The following RYR3 variants were observed in gnomAD, a reference collection of about 807,000 sequenced individuals.
RYR3 encodes ryanodine receptor 3.
Under a neutral mutation model 584.3 loss-of-function variants are expected in RYR3, and 207 were observed. The ratio of observed to expected loss-of-function variants is 0.35; its 90% CI spans 0.32 to 0.40. The LOEUF (loss-of-function observed/expected upper bound fraction) is 0.40. Among genes scored for constraint, RYR3 ranks in the 10% least tolerant of loss-of-function variants. The pLI is 1.00. For synonymous variants in RYR3, 2,416 were observed against 2,248.5 expected (o/e 1.07, Z -2.11); for missense variants, 5,616 against 6,089.2 (o/e 0.92, Z 2.59).
At chr15:33,683,488 A>G (rs2064777757) in intron 38 of RYR3, among the ~76,000 whole-genome samples, 1 of 152,218 alleles carries the variant, frequency 6.6e-6, no homozygotes, top group African/African-American at 2.4e-5. Context: ...TTGCTGTTTG[A>G]AAATCCTACC....
chr15:33,543,236 T>C (rs2055966656), intron 7 of RYR3, among the ~76,000 whole-genome samples: 1 of 152,160 alleles, frequency 6.6e-6, no homozygotes, highest in African/African-American at 2.4e-5. Flanking sequence ...TTTTACAAAG[T>C]GTACACAGTG....
chr15:33,698,009 G>A lies in RYR3; in HGVS notation c.6249+13G>A, dbSNP rs753321383. On this transcript the variant is annotated intron_variant, in intron 40 of 103. Coordinates refer to ENST00000634891, the MANE Select transcript of RYR3 (RefSeq NM_001036.6). ...AGAGAAATCTCAGGTAATGCTAAAAGGAGAACCTAGCCAGAACTTGTCCCT... is the reference window on the plus strand; with the variant it reads ...AGAGAAATCTCAGGTAATGCTAAAAAGAGAACCTAGCCAGAACTTGTCCCT... The A allele has an allele frequency of 6.4e-7, 1 of 1,565,532 alleles. No homozygotes were observed. Among genetic ancestry groups the A allele is most frequent in the East Asian group, 2.2e-5 (1 of 44,644 alleles).
chr15:33,857,250 GCACCAGCACC>G (rs1436295476), intron 98 of RYR3, among the ~76,000 whole-genome samples: 6 of 11,878 alleles, frequency 5.1e-4, no homozygotes, highest in Admixed American at 1.5e-3. Context: ...GGTGCTGGCA[GCACCAGCACC>G]TGGTCTCCTC....
At chr15:33,485,870 T>C (rs1407413283) in intron 2 of RYR3, among the ~76,000 whole-genome samples, 1 of 152,264 alleles carries the variant, frequency 6.6e-6, no homozygotes, top group Middle Eastern at 3.4e-3. Context: ...GATTGGACCA[T>C]GGAGTCTTGG....
In RYR3 at chr15:33,837,890, G is replaced by T. The variant is rs372999570; in HGVS notation, c.11910G>T (p.Glu3970Asp). The T allele has an allele frequency of 1.7e-5, 27 of 1,613,876 alleles. No individual in the cohort carries two copies. Among genetic ancestry groups the T allele is most frequent in the Non-Finnish European group, 2.1e-5 (25 of 1,179,890 alleles). The part of the protein sequence containing the change: ...DFLLSCAEAD[E>D]NDMFNYVDFV... ...TCCTGTCGTGTGCAGAAGCTGATGA[G>T]AATGACATGTTTAATTACGTTGATT... Residue 3970 changes from glutamate to aspartate, a missense_variant, in exon 89 of 104, where the codon GAG becomes GAT. Coordinates refer to ENST00000634891, the MANE Select transcript of RYR3 (RefSeq NM_001036.6).
intron 51 of RYR3, among the ~76,000 whole-genome samples, chr15:33,741,108 A>G (rs961448305): frequency 3.3e-5 from 5 of 152,264 alleles, no homozygotes; most frequent in African/African-American, 9.6e-5. Context: ...ACTGTGTGTT[A>G]ATGGCTCTGT....
At chr15:33,425,843 C>G (rs550626540) in intron 1 of RYR3, among the ~76,000 whole-genome samples, 2 of 151,820 alleles carry the variant, frequency 1.3e-5, no homozygotes, top group African/African-American at 4.8e-5. Context: ...GGGGTTTCAC[C>G]GTGTTAGCCA....
In RYR3 at chr15:33,336,473, AG is replaced by A. The variant is rs1567046919; in HGVS notation, c.51+25378del. Among the ~76,000 whole-genome samples, 11 of 32,088 alleles carry A rather than the reference AG, an allele frequency of 3.4e-4. 5 individuals are homozygous for A. Among genetic ancestry groups the A allele is most frequent in the African/African-American group, 3.3e-3 (8 of 2,456 alleles). The allele number at this position is 32,088 out of a possible 152,430, so 21.1% of individuals were successfully genotyped here. ...GAGAGAGAGAGAGAGAGAGAGAGAG[AG>A]AGAGAGAGAGAGAAAGAAAGAAAGA... On this transcript the variant is annotated intron_variant, in intron 1 of 103. Transcript: ENST00000634891.
chr15:33,461,156 G>A (rs1244087651), intron 1 of RYR3, among the ~76,000 whole-genome samples: 1 of 151,864 alleles, frequency 6.6e-6, no homozygotes, highest in Non-Finnish European at 1.5e-5. Context: ...GTGTTAGCCA[G>A]GATGGTCTTG....
At chr15:33,370,966 A>G (rs887479830) in intron 1 of RYR3, among the ~76,000 whole-genome samples, 3 of 152,218 alleles carry the variant, frequency 2.0e-5, no homozygotes, top group Non-Finnish European at 4.4e-5. Context: ...TTTGTCCCTC[A>G]CTTGATCCTT....
chr15:33,581,381 A>G (rs562151574), intron 13 of RYR3, 127 bp from the exon 14 acceptor site: 3 of 936,162 alleles, frequency 3.2e-6, no homozygotes, highest in Admixed American at 2.3e-5. Context: ...AACTGGCACC[A>G]TGAAGGTCTA....
At chr15:33,816,808 A>C (rs1489845469) in intron 74 of RYR3, 54 bp from the exon 75 acceptor site, 7 of 1,234,260 alleles carry the variant, frequency 5.7e-6, no homozygotes, top group South Asian at 2.7e-5. Context: ...GCCCAAACTA[A>C]AAGAACAAGT....
chr15:33,413,526 A>G (rs935265863), intron 1 of RYR3, among the ~76,000 whole-genome samples: 1 of 152,156 alleles, frequency 6.6e-6, no homozygotes, highest in Admixed American at 6.5e-5. Flanking sequence ...CACTGTTCTG[A>G]TTTAGGGACA....
Position 33,390,304 on chromosome 15 carries a change from G to C in RYR3, c.51+79208G>C, listed in dbSNP as rs1011517305. Among the ~76,000 whole-genome samples the C allele has an allele frequency of 2.0e-5, 3 of 152,096 alleles. No homozygotes were observed. The highest frequency in any genetic ancestry group is 4.4e-5 in the Non-Finnish European group (3 of 68,020). ...TTTGTTTAGTTTGTTCTTTTAGCTG[G>C]GCCCACATGGGCCTCAGTACCAGTA... On this transcript the variant is annotated intron_variant, in intron 1 of 103. Coordinates refer to ENST00000634891, the MANE Select transcript of RYR3 (RefSeq NM_001036.6). This position sits in a 1 kb window ranked among gnomAD's most constrained non-coding sequence, Gnocchi z 4.2.
intron 1 of RYR3, among the ~76,000 whole-genome samples, chr15:33,324,715 G>A (rs995418566): frequency 2.6e-5 from 4 of 152,204 alleles, no homozygotes; most frequent in African/African-American, 4.8e-5. Flanking sequence ...GAAAGAGTTA[G>A]TAAATCCTCA....
At chr15:33,828,593 A>G (rs1488310865) in intron 85 of RYR3, among the ~76,000 whole-genome samples, 1 of 152,218 alleles carries the variant, frequency 6.6e-6, no homozygotes, top group African/African-American at 2.4e-5. Context: ...AGGTCAAACC[A>G]GCCACAACAT....
intron 1 of RYR3, among the ~76,000 whole-genome samples, chr15:33,371,934 A>G (rs1385357700): frequency 6.6e-6 from 1 of 152,242 alleles, no homozygotes; most frequent in African/African-American, 2.4e-5. Context: ...CAACTTGTTT[A>G]TCTGGCATTT....
At chr15:33,855,204 CT>C (rs201635608) in intron 98 of RYR3, among the ~76,000 whole-genome samples, 7,188 of 147,320 alleles carry the variant, frequency 0.049, 219 homozygotes, top group Non-Finnish European at 0.069. Flanking sequence ...CCTTGGAGAT[CT>C]TTTTTTTTTT....
intron 14 of RYR3, among the ~76,000 whole-genome samples, chr15:33,583,752 C>A (rs1392489300): frequency 2.0e-5 from 3 of 152,066 alleles, no homozygotes; most frequent in African/African-American, 7.2e-5. Flanking sequence ...GAGACCCCAT[C>A]TCAATAAAAA....
Sources: gnomAD v4.1 joint callset for allele counts (sites outside exome capture counted in the v4.1 genomes callset) on GRCh38, gnomAD v4.1.1 for gene constraint, Gnocchi (gnomAD v3.1) non-coding constraint, MANE v1.5 for transcripts, NCBI Gene and HGNC (gene_info 2026-07-23, HGNC 2026-07-21) for gene names.